PRIM2: variants seen among roughly 807,000 people sequenced by gnomAD.
PRIM2 encodes the protein DNA primase large subunit.
PRIM2 carries 39 observed loss-of-function variants against 67.3 expected under a neutral mutation model. The observed-to-expected ratio is 0.58, with a 90% CI of 0.45 to 0.76. The LOEUF (loss-of-function observed/expected upper bound fraction) is 0.76, where lower values mean the gene tolerates loss of function less well. Ranked by LOEUF, PRIM2 falls within the 30% of genes least tolerant of loss-of-function variation. The probability of loss-of-function intolerance (pLI) is 0.00; values close to 1 mark genes in which losing one functional copy is unlikely to be tolerated. For synonymous variants in PRIM2, 143 were observed against 198.7 expected (o/e 0.72, Z 2.36); for missense variants, 398 against 598.7 (o/e 0.66, Z 3.50).
intron 12 of PRIM2, among the ~76,000 whole-genome samples, chr6:57,615,085 A>C (rs1240676065): frequency 2.0e-5 from 3 of 152,044 alleles, no homozygotes; most frequent in Non-Finnish European, 4.4e-5. Flanking sequence ...TCCTTTAAAA[A>C]CCTGCAATTT....
At chr6:57,443,346 T>C (rs1304275445) in intron 7 of PRIM2, among the ~76,000 whole-genome samples, 3 of 152,196 alleles carry the variant, frequency 2.0e-5, no homozygotes, top group Non-Finnish European at 4.4e-5. Context: ...ATATTTGCTG[T>C]ATTAGTTTAC....
At chr6:57,305,614 TA>T in the PRIM2 span, among the ~76,000 whole-genome samples, 2 of 152,240 alleles carry the variant, frequency 1.3e-5, no homozygotes, top group South Asian at 4.1e-4. Context: ...TTATAGAGCA[TA>T]AAGTGAAATT....
the PRIM2 span, among the ~76,000 whole-genome samples, chr6:57,290,899 G>A: frequency 6.6e-6 from 1 of 152,088 alleles, no homozygotes; most frequent in African/African-American, 2.4e-5. Flanking sequence ...GAGAAAGCAG[G>A]AAAGATCTAA....
At chr6:57,293,997 A>T in the PRIM2 span, among the ~76,000 whole-genome samples, 1 of 152,320 alleles carries the variant, frequency 6.6e-6, no homozygotes, top group East Asian at 1.9e-4. Flanking sequence ...ATTCCTTGCA[A>T]TGTAGTTTGT....
At chr6:57,596,806 C>T (rs1254877431) in intron 10 of PRIM2, among the ~76,000 whole-genome samples, 4 of 151,912 alleles carry the variant, frequency 2.6e-5, no homozygotes, top group Middle Eastern at 3.4e-3. Flanking sequence ...CCACTATACT[C>T]TATATAGGGC....
chr6:57,408,657 G>A (rs1770982789), intron 7 of PRIM2, among the ~76,000 whole-genome samples: 1 of 152,112 alleles, frequency 6.6e-6, no homozygotes, highest in African/African-American at 2.4e-5. Flanking sequence ...CATACACTAT[G>A]TATTCTTCTG....
At chr6:57,254,797 C>T in the PRIM2 span, among the ~76,000 whole-genome samples, 1 of 152,074 alleles carries the variant, frequency 6.6e-6, no homozygotes, top group South Asian at 2.1e-4. Flanking sequence ...GCACCTGGAC[C>T]CATTAGGATT....
chr6:57,261,426 C>G, the PRIM2 span, among the ~76,000 whole-genome samples: 1 of 152,214 alleles, frequency 6.6e-6, no homozygotes, highest in African/African-American at 2.4e-5. Flanking sequence ...CCTTTCTGCT[C>G]TCTCTTCAGG....
the PRIM2 span, among the ~76,000 whole-genome samples, chr6:57,230,969 T>A: frequency 2.6e-5 from 4 of 152,224 alleles, no homozygotes; most frequent in Non-Finnish European, 5.9e-5. Flanking sequence ...TGGAACCTGC[T>A]ACCTCCATCA....
chr6:57,642,968 CT>C (rs1296614223), intron 13 of PRIM2, among the ~76,000 whole-genome samples: 1 of 151,824 alleles, frequency 6.6e-6, no homozygotes, highest in Non-Finnish European at 1.5e-5. Context: ...TGACTTTCAC[CT>C]TTTTTTTAAG....
intron 10 of PRIM2, among the ~76,000 whole-genome samples, chr6:57,591,364 C>A: frequency 6.6e-6 from 1 of 152,272 alleles, no homozygotes; most frequent in East Asian, 1.9e-4. Flanking sequence ...GGTTTCCTGA[C>A]CTTTTCCTCC....
At chr6:57,425,933 C>G (rs1175956259) in intron 7 of PRIM2, among the ~76,000 whole-genome samples, 4 of 152,078 alleles carry the variant, frequency 2.6e-5, no homozygotes, top group African/African-American at 4.8e-5. Context: ...AGAAGAGACC[C>G]TGAACGTAGA....
intron 7 of PRIM2, among the ~76,000 whole-genome samples, chr6:57,481,806 GT>G (rs1438596418): frequency 1.3e-5 from 2 of 152,140 alleles, no homozygotes; most frequent in Non-Finnish European, 2.9e-5. Context: ...GTGTCTAGTA[GT>G]ATCTCATTAT....
the PRIM2 span, among the ~76,000 whole-genome samples, chr6:57,309,247 G>A: frequency 2.0e-5 from 3 of 148,530 alleles, no homozygotes; most frequent in African/African-American, 5.0e-5. Flanking sequence ...CCACTAACTC[G>A]TCATCTAGCA....
At chr6:57,410,347 A>AAAAGT (rs1412906702) in intron 7 of PRIM2, among the ~76,000 whole-genome samples, 1 of 136,910 alleles carries the variant, frequency 7.3e-6, no homozygotes, top group Non-Finnish European at 1.6e-5. Flanking sequence ...AAAAAAAAAA[A>AAAAGT]AAGAAAGAAA....
chr6:57,503,755 T>TAA (rs1200599349), intron 7 of PRIM2, among the ~76,000 whole-genome samples: 4,690 of 146,292 alleles, frequency 0.032, 244 homozygotes, highest in African/African-American at 0.11. Context: ...GGCTCTGTCT[T>TAA]AAAAAAAAAA....
chr6:57,320,263 T>C (rs1356026559), intron 2 of PRIM2, among the ~76,000 whole-genome samples, 194 bp from the exon 3 acceptor site: 1 of 152,202 alleles, frequency 6.6e-6, no homozygotes, highest in Non-Finnish European at 1.5e-5. Context: ...GGGACATGGA[T>C]ATTTTCTGCA....
At chr6:57,291,682 C>T in the PRIM2 span, among the ~76,000 whole-genome samples, 14 of 152,192 alleles carry the variant, frequency 9.2e-5, no homozygotes, top group African/African-American at 3.4e-4. Flanking sequence ...GGATGCAAGG[C>T]TGGTTCAACA....
the PRIM2 span, among the ~76,000 whole-genome samples, chr6:57,275,495 A>G: frequency 6.6e-6 from 1 of 152,246 alleles, no homozygotes. Flanking sequence ...TTTCAAAAAA[A>G]CAAACAAATA....
Sources: allele counts gnomAD v4.1 joint callset (sites outside exome capture counted in the v4.1 genomes callset), GRCh38; gene constraint gnomAD v4.1.1; transcripts MANE v1.5; gene names NCBI Gene and HGNC (gene_info 2026-07-23, HGNC 2026-07-21).